Variants in DLGAP1 observed in about 807,000 individuals in gnomAD.
DLGAP1 encodes DLG associated protein 1, also known as disks large-associated protein 1.
DLGAP1 carries 11 observed loss-of-function variants against 90.8 expected under a neutral mutation model. The observed-to-expected ratio is 0.12, with a 90% CI of 0.08 to 0.20. The LOEUF (loss-of-function observed/expected upper bound fraction) is 0.20. Among genes scored for constraint, DLGAP1 ranks in the 10% least tolerant of loss-of-function variants. DLGAP1 has a pLI of 1.00. For missense variants in DLGAP1, 1,050 were observed against 1,333.8 expected (o/e 0.79, Z 3.31); for synonymous variants, 558 against 540.7 (o/e 1.03, Z -0.44).
At chr18:3,523,924 C>G (rs1482941519) in intron 10 of DLGAP1, among the ~76,000 whole-genome samples, 1 of 151,646 alleles carries the variant, frequency 6.6e-6, no homozygotes, top group African/African-American at 2.4e-5. Context: ...CAAACAAAAC[C>G]AGAAGAAACA....
intron 1 of DLGAP1, among the ~76,000 whole-genome samples, chr18:4,353,862 T>C (rs1253953337): frequency 6.6e-6 from 1 of 152,146 alleles, no homozygotes; most frequent in East Asian, 1.9e-4. Context: ...ACTGTCGCTC[T>C]GAAAAATCAA....
chr18:4,010,250 G>C (rs540613827), intron 2 of DLGAP1, among the ~76,000 whole-genome samples: 1 of 152,288 alleles, frequency 6.6e-6, no homozygotes, highest in African/African-American at 2.4e-5. Context: ...ATCAGATTAA[G>C]AATCATCAGG....
chr18:4,443,504 A>G (rs1271890666), intron 1 of DLGAP1, among the ~76,000 whole-genome samples: 1 of 152,238 alleles, frequency 6.6e-6, no homozygotes, highest in East Asian at 1.9e-4. Context: ...CATGGTTTTC[A>G]TTAGAGTAAT....
intron 10 of DLGAP1, among the ~76,000 whole-genome samples, chr18:3,529,176 G>A (rs1378217613): frequency 6.6e-6 from 1 of 152,202 alleles, no homozygotes; most frequent in Non-Finnish European, 1.5e-5. Context: ...AAGACAGGGG[G>A]CCTATAGGAG....
At chr18:3,978,836 G>C (rs1283305345) in intron 3 of DLGAP1, among the ~76,000 whole-genome samples, 2 of 152,126 alleles carry the variant, frequency 1.3e-5, no homozygotes, top group African/African-American at 4.8e-5. Flanking sequence ...TGTTGTATAG[G>C]ACAGATCTTG....
intron 3 of DLGAP1, among the ~76,000 whole-genome samples, chr18:3,929,395 G>C (rs1281724158): frequency 6.6e-6 from 1 of 152,224 alleles, no homozygotes; most frequent in African/African-American, 2.4e-5. Context: ...TCCAGAAACA[G>C]AGTTAGGTCA....
chr18:3,888,107 CAAAAAAAAAAAAA>C (rs1164887393), intron 3 of DLGAP1, among the ~76,000 whole-genome samples: 2 of 49,382 alleles, frequency 4.1e-5, no homozygotes, highest in Non-Finnish European at 7.4e-5. Flanking sequence ...GACTCCATCT[CAAAAAAAAAAAAA>C]AAAAAAAAAA....
chr18:4,076,854 C>T (rs1321940888), intron 2 of DLGAP1, among the ~76,000 whole-genome samples: 1 of 152,160 alleles, frequency 6.6e-6, no homozygotes, highest in Non-Finnish European at 1.5e-5. Context: ...GAACTCCTGA[C>T]CTCAAGTGAT....
chr18:3,982,847 A>C (rs1342406110), intron 3 of DLGAP1, among the ~76,000 whole-genome samples: 1 of 152,234 alleles, frequency 6.6e-6, no homozygotes, highest in African/African-American at 2.4e-5. Context: ...GTGGAAAATC[A>C]AAACATGAAC....
At chr18:3,984,995 C>T (rs2073814122) in intron 3 of DLGAP1, among the ~76,000 whole-genome samples, 1 of 152,182 alleles carries the variant, frequency 6.6e-6, no homozygotes, top group Non-Finnish European at 1.5e-5. Context: ...TTTCCACCCT[C>T]ATTGTTTTTG....
At chr18:3,679,285 T>C (rs1470979353) in intron 7 of DLGAP1, among the ~76,000 whole-genome samples, 1 of 151,758 alleles carries the variant, frequency 6.6e-6, no homozygotes, top group East Asian at 1.9e-4. Flanking sequence ...CTTAATTCTG[T>C]ACTAGTTGGT....
chr18:3,963,785 G>A (rs190892263), intron 3 of DLGAP1, among the ~76,000 whole-genome samples: 5 of 152,002 alleles, frequency 3.3e-5, no homozygotes, highest in South Asian at 2.1e-4. Flanking sequence ...TTCAGCTCAC[G>A]TCCAACACCT....
intron 4 of DLGAP1, among the ~76,000 whole-genome samples, chr18:3,849,291 T>C (rs1381317119): frequency 6.6e-6 from 1 of 152,082 alleles, no homozygotes; most frequent in Non-Finnish European, 1.5e-5. Context: ...GGTGCATGGG[T>C]CACTACACTC....
intron 4 of DLGAP1, among the ~76,000 whole-genome samples, chr18:3,862,207 T>A (rs2070112311): frequency 6.6e-6 from 1 of 152,200 alleles, no homozygotes; most frequent in Non-Finnish European, 1.5e-5. Context: ...ACACGTAAAC[T>A]GAACCTGTCA....
At chr18:4,440,296 T>G (rs1311827608) in intron 1 of DLGAP1, among the ~76,000 whole-genome samples, 1 of 152,154 alleles carries the variant, frequency 6.6e-6, no homozygotes, top group Non-Finnish European at 1.5e-5. Context: ...TGTGATGTGA[T>G]GTACTCAATC....
chr18:3,699,710 G>A (rs755445033), intron 7 of DLGAP1, among the ~76,000 whole-genome samples: 34 of 152,194 alleles, frequency 2.2e-4, no homozygotes, highest in Non-Finnish European at 4.6e-4. Flanking sequence ...AGACAGAAAC[G>A]TTTAAGCCTG....
chr18:3,977,910 C>A, intron 3 of DLGAP1: 1 of 363,712 alleles, frequency 2.7e-6, no homozygotes. Context: ...AGGTCCATGA[C>A]CAACACGTTG....
intron 2 of DLGAP1, among the ~76,000 whole-genome samples, chr18:4,029,268 G>T (rs973622493): frequency 2.0e-5 from 3 of 152,096 alleles, no homozygotes; most frequent in African/African-American, 7.2e-5. Flanking sequence ...TGGATGCTTA[G>T]ACTGATTCCA....
chr18:3,597,256 C>T (rs1207183419), intron 7 of DLGAP1: 4 of 501,382 alleles, frequency 8.0e-6, no homozygotes, highest in Non-Finnish European at 1.6e-5. Flanking sequence ...ACAATGGGGC[C>T]TTGGAGACAG....
Sources: allele counts gnomAD v4.1 joint callset (sites outside exome capture counted in the v4.1 genomes callset), GRCh38; gene constraint gnomAD v4.1.1; transcripts MANE v1.5; gene names NCBI Gene and HGNC (gene_info 2026-07-23, HGNC 2026-07-21).